TAFA5: variants seen among roughly 807,000 people sequenced by gnomAD.
TAFA5 encodes chemokine-like protein TAFA-5.
TAFA5 carries 6 observed loss-of-function variants against 15.3 expected under a neutral mutation model. The ratio of observed to expected loss-of-function variants is 0.39; its 90% confidence interval spans 0.21 to 0.77. The LOEUF (loss-of-function observed/expected upper bound fraction) is 0.77, where lower values mean the gene tolerates loss of function less well. Ranked by LOEUF, TAFA5 falls within the 30% of genes least tolerant of loss-of-function variation. The pLI is 0.41. For synonymous variants in TAFA5, 103 were observed against 80.7 expected (o/e 1.28, Z -1.48); for missense variants, 161 against 193.1 (o/e 0.83, Z 0.98).
chr22:48,649,912 A>G (rs191595185), intron 2 of TAFA5, among the ~76,000 whole-genome samples: 66 of 152,128 alleles, frequency 4.3e-4, no homozygotes, highest in African/African-American at 1.4e-3. Context: ...CTGAAACCAC[A>G]TTCACTTTCC....
chr22:48,574,818 T>C (rs932095445), intron 1 of TAFA5, among the ~76,000 whole-genome samples: 3 of 152,230 alleles, frequency 2.0e-5, no homozygotes, highest in Non-Finnish European at 4.4e-5. Context: ...CTGTGCCCCC[T>C]GCTCTGGGGA....
intron 2 of TAFA5, among the ~76,000 whole-genome samples, chr22:48,690,837 G>A (rs1277096860): frequency 4.6e-5 from 7 of 151,830 alleles, no homozygotes; most frequent in African/African-American, 1.7e-4. Flanking sequence ...CAGGCTTGGG[G>A]GGCCGTGCTG....
chr22:48,732,226 G>A (rs1398369947), intron 3 of TAFA5, among the ~76,000 whole-genome samples: 1 of 150,796 alleles, frequency 6.6e-6, no homozygotes, highest in Non-Finnish European at 1.5e-5. Flanking sequence ...ACTTCTTGGG[G>A]ATAAGCAATG....
At chr22:48,502,566 G>T (rs949631200) in intron 1 of TAFA5, among the ~76,000 whole-genome samples, 2 of 146,052 alleles carry the variant, frequency 1.4e-5, no homozygotes, top group Non-Finnish European at 3.0e-5. Context: ...CTGTCTCCCA[G>T]CCTGGAGTGA....
At chr22:48,607,137 T>A (rs73173440) in intron 1 of TAFA5, among the ~76,000 whole-genome samples, 4,790 of 152,278 alleles carry the variant, frequency 0.031, 130 homozygotes, top group Non-Finnish European at 0.052. Flanking sequence ...TCGGAGGCAG[T>A]GCATGGATCT....
At chr22:48,632,142 G>A (rs1926252969) in intron 1 of TAFA5, among the ~76,000 whole-genome samples, 1 of 152,194 alleles carries the variant, frequency 6.6e-6, no homozygotes, top group Non-Finnish European at 1.5e-5. Flanking sequence ...TGGGGTGCAG[G>A]TGTTTCCTGT....
chr22:48,575,289 T>C (rs1366599727), intron 1 of TAFA5, among the ~76,000 whole-genome samples: 2 of 151,796 alleles, frequency 1.3e-5, no homozygotes, highest in East Asian at 2.0e-4. Context: ...CGGCCCCACC[T>C]GACCCGCCGG....
chr22:48,490,019 C>A lies in TAFA5; in HGVS notation c.112+315C>A, dbSNP rs1210899284. On this transcript the variant is annotated intron_variant, in intron 1 of 3. Coordinates refer to ENST00000402357, the MANE Select transcript of TAFA5 (RefSeq NM_001082967.3). The surrounding 1 kb of genome is among the most constrained non-coding windows in gnomAD (Gnocchi z 5.8). ...TGCCCGGCGGTCGGAGCCCAGCCAG[C>A]GGCTTCCCGGCCGAGATGCGCGCTC... Among the ~76,000 whole-genome samples, 1 of 151,956 alleles carries A rather than the reference C, an allele frequency of 6.6e-6. No individual in the cohort carries two copies. Among genetic ancestry groups the A allele is most frequent in the Non-Finnish European group, 1.5e-5 (1 of 67,962 alleles).
intron 1 of TAFA5, among the ~76,000 whole-genome samples, chr22:48,590,021 C>T (rs2147155919): frequency 6.6e-6 from 1 of 150,872 alleles, no homozygotes; most frequent in Middle Eastern, 3.5e-3. Context: ...GTCACGCGCA[C>T]ATGCACGCGT....
chr22:48,658,506 C>G (rs893869607), intron 2 of TAFA5, among the ~76,000 whole-genome samples: 1 of 152,230 alleles, frequency 6.6e-6, no homozygotes. Context: ...GACGGAGCAC[C>G]GTGACAGTTG....
chr22:48,575,048 T>C (rs751567825), intron 1 of TAFA5, among the ~76,000 whole-genome samples: 127 of 152,124 alleles, frequency 8.3e-4, no homozygotes, highest in Non-Finnish European at 5.4e-4. Context: ...AGATGTGCCG[T>C]TTTCAGAAGC....
chr22:48,583,332 G>T (rs1246592281), intron 1 of TAFA5, among the ~76,000 whole-genome samples: 1 of 85,670 alleles, frequency 1.2e-5, no homozygotes, highest in African/African-American at 4.9e-5. Context: ...CACAAAATAC[G>T]CACACCAGTG....
intron 1 of TAFA5, among the ~76,000 whole-genome samples, chr22:48,631,757 G>C (rs1039845596): frequency 1.3e-5 from 2 of 152,214 alleles, no homozygotes; most frequent in African/African-American, 4.8e-5. Context: ...CGCCCTCCAG[G>C]TTTCCTGACA....
At chr22:48,505,139 G>A (rs1342650285) in intron 1 of TAFA5, among the ~76,000 whole-genome samples, 2 of 152,176 alleles carry the variant, frequency 1.3e-5, no homozygotes, top group Admixed American at 6.5e-5. Flanking sequence ...GAGATACTTT[G>A]GGGGATTTCT....
rs1162084122 is a variant in TAFA5, at chr22:48,560,339, G to A, written c.112+70635G>A. 6.6e-6 allele frequency among the ~76,000 whole-genome samples: 1 copy of A among 152,154 alleles called. No homozygotes were observed. Among genetic ancestry groups the A allele is most frequent in the Non-Finnish European group, 1.5e-5 (1 of 68,032 alleles). On this transcript the variant is annotated intron_variant, in intron 1 of 3. Transcript: ENST00000402357. The surrounding 1 kb of genome is among the most constrained non-coding windows in gnomAD (Gnocchi z 4.2). ...ACTGGTGTGGCCCTGGCATTCATAT[G>A]GCCCCAGCAGGCCCCCCAGCATTTC...
chr22:48,571,608 C>CTTTTTTTTTTTTTTTTTTTTTTTTT (rs1601586303), intron 1 of TAFA5, among the ~76,000 whole-genome samples: 5 of 33,534 alleles, frequency 1.5e-4, no homozygotes, highest in Admixed American at 4.5e-4. Context: ...TTTTTTTTTG[C>CTTTTTTTTTTTTTTTTTTTTTTTTT]TTTAAAAAAA....
At chr22:48,614,035 G>C (rs1236027719) in intron 1 of TAFA5, among the ~76,000 whole-genome samples, 1 of 152,204 alleles carries the variant, frequency 6.6e-6, no homozygotes, top group Non-Finnish European at 1.5e-5. Context: ...CAGACGCCCT[G>C]GTTTATTTCC....
At chr22:48,641,111 T>C (rs1403131674) in intron 1 of TAFA5, among the ~76,000 whole-genome samples, 2 of 141,572 alleles carry the variant, frequency 1.4e-5, no homozygotes, top group Non-Finnish European at 3.1e-5. Flanking sequence ...TTGGTGGGGG[T>C]CTGCCCTATG....
At chr22:48,701,671 C>A (rs12168954) in intron 2 of TAFA5, among the ~76,000 whole-genome samples, 12,401 of 152,286 alleles carry the variant, frequency 0.081, 693 homozygotes, top group Non-Finnish European at 0.12. Context: ...CAAGGCTGTG[C>A]GGAGGACCTG....
Sources: gnomAD v4.1 joint callset for allele counts (sites outside exome capture counted in the v4.1 genomes callset) on GRCh38, gnomAD v4.1.1 for gene constraint, Gnocchi (gnomAD v3.1) non-coding constraint, MANE v1.5 for transcripts, NCBI Gene and HGNC (gene_info 2026-07-23, HGNC 2026-07-21) for gene names.